GALNTL6: variants seen among roughly 807,000 people sequenced by gnomAD.
The protein encoded by GALNTL6 is polypeptide N-acetylgalactosaminyltransferase-like 6.
A neutral mutation model predicts 73.7 loss-of-function variants in GALNTL6; 46 were observed. That is an observed-to-expected ratio of 0.62 (90% CI 0.49 to 0.80). The LOEUF is 0.80. Ranked by LOEUF, GALNTL6 falls within the 30% of genes least tolerant of loss-of-function variation. The pLI is 0.00. For synonymous variants in GALNTL6, 259 were observed against 263.7 expected, an observed-to-expected ratio of 0.98 and a Z score of 0.17; for missense variants, 604 against 755.0, an observed-to-expected ratio of 0.80 and a Z score of 2.34.
chr4:172,742,492 T>C (rs1006245619), intron 5 of GALNTL6, among the ~76,000 whole-genome samples: 5 of 151,624 alleles, frequency 3.3e-5, no homozygotes, highest in Non-Finnish European at 5.9e-5. Context: ...ACACAATTAT[T>C]GTGTCTTCAA....
At chr4:172,062,582 C>A (rs563452985) in intron 2 of GALNTL6, among the ~76,000 whole-genome samples, 9 of 152,140 alleles carry the variant, frequency 5.9e-5, no homozygotes, top group Non-Finnish European at 1.2e-4. Flanking sequence ...TAAAGGCTAT[C>A]GATAAATTTT....
chr4:172,519,741 T>C (rs925710065), intron 5 of GALNTL6, among the ~76,000 whole-genome samples: 19 of 152,016 alleles, frequency 1.2e-4, no homozygotes, highest in African/African-American at 4.6e-4. Context: ...TATTCAGACA[T>C]CTTTTCTTTT....
chr4:172,262,767 T>A (rs1341927210), intron 3 of GALNTL6, among the ~76,000 whole-genome samples: 1 of 151,648 alleles, frequency 6.6e-6, no homozygotes, highest in African/African-American at 2.4e-5. Context: ...TGATGTTTTG[T>A]TTCAGGATTT....
intron 2 of GALNTL6, among the ~76,000 whole-genome samples, chr4:171,904,995 C>T (rs1451012240): frequency 1.5e-4 from 23 of 152,144 alleles, no homozygotes; most frequent in African/African-American, 4.1e-4. Flanking sequence ...CTGAAGGAAG[C>T]GCTAAACATG....
intron 2 of GALNTL6, among the ~76,000 whole-genome samples, chr4:171,903,357 T>C (rs1737163611): frequency 6.6e-6 from 1 of 152,044 alleles, no homozygotes; most frequent in South Asian, 2.1e-4. Context: ...GGGAGTTCCT[T>C]TTCCTAGTCA....
chr4:172,930,176 G>A (rs916465536), intron 8 of GALNTL6, among the ~76,000 whole-genome samples: 1 of 152,058 alleles, frequency 6.6e-6, no homozygotes, highest in African/African-American at 2.4e-5. Flanking sequence ...CACTTGGGAG[G>A]CTGAGGCAGG....
intron 5 of GALNTL6, among the ~76,000 whole-genome samples, chr4:172,502,099 G>A (rs918314684): frequency 6.6e-5 from 10 of 151,990 alleles, no homozygotes; most frequent in African/African-American, 2.2e-4. Context: ...TCAACAAATC[G>A]CATACATACT....
intron 2 of GALNTL6, among the ~76,000 whole-genome samples, chr4:171,983,473 T>C (rs868059319): frequency 6.2e-5 from 9 of 144,866 alleles, no homozygotes; most frequent in Admixed American, 7.3e-5. Flanking sequence ...ATTTTATTTA[T>C]TTATTTATTT....
chr4:172,643,513 A>T (rs1740085018), intron 5 of GALNTL6, among the ~76,000 whole-genome samples: 1 of 151,978 alleles, frequency 6.6e-6, no homozygotes, highest in Non-Finnish European at 1.5e-5. Flanking sequence ...CAAGAATCAG[A>T]ATATTGCTAG....
chr4:172,686,946 C>T (rs778867484), intron 5 of GALNTL6, among the ~76,000 whole-genome samples: 1 of 152,068 alleles, frequency 6.6e-6, no homozygotes, highest in Non-Finnish European at 1.5e-5. Flanking sequence ...ATCACATTAC[C>T]GTCTAGTTCT....
At chr4:172,397,876 C>A (rs1024772483) in intron 5 of GALNTL6, among the ~76,000 whole-genome samples, 17 of 152,178 alleles carry the variant, frequency 1.1e-4, no homozygotes, top group Admixed American at 9.8e-4. Flanking sequence ...TGTGCCTGGC[C>A]ACTATCTTTT....
intron 5 of GALNTL6, among the ~76,000 whole-genome samples, chr4:172,631,603 A>G (rs1739399333): frequency 3.3e-5 from 5 of 152,240 alleles, no homozygotes; most frequent in Admixed American, 3.3e-4. Flanking sequence ...AACAAACAGT[A>G]TCTATTCAAC....
chr4:172,849,881 G>A lies in GALNTL6; in HGVS notation c.924-32909G>A, dbSNP rs147873188. Among the ~76,000 whole-genome samples, 124 of 152,236 alleles carry A rather than the reference G, an allele frequency of 8.1e-4. 1 individual carries two copies. The highest frequency in any genetic ancestry group is 3.4e-3 in the Middle Eastern group (1 of 294). ...AGAGTATGTGTGAGGCTGAGGCAAC[G>A]GAGAAGGAAACCATATGCTCACTCA... On this transcript the variant is annotated intron_variant, in intron 7 of 12. Transcript: ENST00000506823.
At chr4:172,090,471 A>G (rs778759274) in intron 2 of GALNTL6, among the ~76,000 whole-genome samples, 1 of 152,038 alleles carries the variant, frequency 6.6e-6, no homozygotes, top group African/African-American at 2.4e-5. Flanking sequence ...GCATTTTTTC[A>G]TATGTTTGTC....
chr4:172,839,906 T>A (rs1027912839), intron 7 of GALNTL6, among the ~76,000 whole-genome samples: 3 of 152,240 alleles, frequency 2.0e-5, no homozygotes, highest in Admixed American at 6.5e-5. Flanking sequence ...ATATGCAATT[T>A]TTCAGGAAGA....
At chr4:172,610,884 A>G (rs1302144710) in intron 5 of GALNTL6, among the ~76,000 whole-genome samples, 2 of 152,070 alleles carry the variant, frequency 1.3e-5, no homozygotes, top group Non-Finnish European at 2.9e-5. Context: ...TTGTGTGCAT[A>G]TATATGTAGG....
At chr4:172,813,774 T>A (rs1486255368) in intron 7 of GALNTL6, 51 bp downstream of exon 7, 17 of 1,433,536 alleles carry the variant, frequency 1.2e-5, no homozygotes, top group Middle Eastern at 2.2e-4. Context: ...GGTAACTCAT[T>A]GCAGTGTTAA....
intron 5 of GALNTL6, among the ~76,000 whole-genome samples, chr4:172,715,885 C>G (rs745379636): frequency 6.6e-6 from 1 of 152,144 alleles, no homozygotes; most frequent in African/African-American, 2.4e-5. Flanking sequence ...AAACTAAGTA[C>G]ACTATGTTAC....
intron 2 of GALNTL6, among the ~76,000 whole-genome samples, chr4:172,091,075 A>G (rs1732190091): frequency 6.6e-6 from 1 of 152,150 alleles, no homozygotes; most frequent in Admixed American, 6.5e-5. Flanking sequence ...TACTAGTACC[A>G]TGCTGGTACC....
Sources: gnomAD v4.1 joint callset for allele counts (sites outside exome capture counted in the v4.1 genomes callset) on GRCh38, gnomAD v4.1.1 for gene constraint, MANE v1.5 for transcripts, NCBI Gene and HGNC (gene_info 2026-07-23, HGNC 2026-07-21) for gene names.